NTRK1: variants seen among roughly 807,000 people sequenced by gnomAD.
NTRK1 encodes the protein neurotrophic receptor tyrosine kinase 1.
Under a neutral mutation model 86.8 loss-of-function variants are expected in NTRK1, and 62 were observed. The observed-to-expected ratio is 0.71, with a 90% confidence interval of 0.58 to 0.88. The LOEUF (loss-of-function observed/expected upper bound fraction) is 0.88, where lower values mean the gene tolerates loss of function less well. NTRK1 is among the 40% of genes least tolerant of loss of function. The pLI is 0.00. For missense variants in NTRK1, 967 were observed against 1,078.4 expected, an observed-to-expected ratio of 0.90 and a Z score of 1.45; for synonymous variants, 469 against 456.6, an observed-to-expected ratio of 1.03 and a Z score of -0.35.
At chr1:156,867,063 C>T (rs780377875) in intron 4 of NTRK1, 85 bp downstream of exon 4, 47 of 1,372,622 alleles carry the variant, frequency 3.4e-5, no homozygotes, top group Non-Finnish European at 4.9e-5. Flanking sequence ...CATTGGGTCA[C>T]TGTGTCTGTG....
chr1:156,843,904 G>A (rs1320451750), intron 2 of NTRK1, among the ~76,000 whole-genome samples: 1 of 152,254 alleles, frequency 6.6e-6, no homozygotes, highest in Non-Finnish European at 1.5e-5. Context: ...TGGTGTGAGA[G>A]TGTGGTGACC....
At chr1:156,846,015 GGTA>G in intron 2 of NTRK1, 1 of 1,614,138 alleles carries the variant, frequency 6.2e-7, no homozygotes, top group Non-Finnish European at 8.5e-7. Context: ...CACAGCACCA[GGTA>G]GTAGGTGAGG....
intron 1 of NTRK1, among the ~76,000 whole-genome samples, chr1:156,828,639 GGAA>G (rs773702930): frequency 3.3e-5 from 5 of 152,242 alleles, no homozygotes; most frequent in Non-Finnish European, 4.4e-5. Flanking sequence ...AGGATGATGA[GGAA>G]GAAGGAGCTG....
chr1:156,862,501 G>T (rs942068888), intron 1 of NTRK1, among the ~76,000 whole-genome samples: 1 of 152,136 alleles, frequency 6.6e-6, no homozygotes, highest in African/African-American at 2.4e-5. Flanking sequence ...GGAGTGGTAG[G>T]GGGAGTGGAC....
At chr1:156,863,798 AG>A (rs1394081551) in intron 1 of NTRK1, among the ~76,000 whole-genome samples, 5 of 152,188 alleles carry the variant, frequency 3.3e-5, no homozygotes, top group African/African-American at 1.2e-4. Flanking sequence ...GGGCAGTGGC[AG>A]GGATAAGCCT....
Position 156,844,427 on chromosome 1 carries a change from C to T in NTRK1, c.50+2234C>T, listed in dbSNP as rs138044856. On this transcript the variant is annotated intron_variant, in intron 2 of 16. Transcript: ENST00000392302. ...GGGCTGGGGACCAGGTAGGGCTGTT[C>T]GGTGATACAGGTCTGTGACAGAGGC... 2,200 of 1,601,356 alleles carry T rather than the reference C, an allele frequency of 1.4e-3. 23 individuals carry two copies. In the African/African-American group the frequency reaches 0.026, roughly 19 times the overall value.
chr1:156,845,436 T>C (rs972795909), intron 2 of NTRK1: 2 of 1,534,114 alleles, frequency 1.3e-6, no homozygotes, highest in African/African-American at 2.8e-5. Context: ...GGAGTAGCCC[T>C]ATCAGGCCTG....
At chr1:156,873,251 T>C (rs1647673585) in intron 7 of NTRK1, among the ~76,000 whole-genome samples, 1 of 152,076 alleles carries the variant, frequency 6.6e-6, no homozygotes, top group South Asian at 2.1e-4. Flanking sequence ...TTGGCTGGTT[T>C]GATTGTTAGG....
intron 1 of NTRK1, chr1:156,841,906 C>T: frequency 6.3e-7 from 1 of 1,584,742 alleles, no homozygotes; most frequent in Non-Finnish European, 8.7e-7. Flanking sequence ...CACCAAGAAC[C>T]CTGGAAAGTA....
At chr1:156,831,115 G>C (rs975138794) in intron 1 of NTRK1, among the ~76,000 whole-genome samples, 1 of 152,210 alleles carries the variant, frequency 6.6e-6, no homozygotes, top group Non-Finnish European at 1.5e-5. Flanking sequence ...TAGAGAGGAG[G>C]GGAGGAAACT....
Position 156,868,611 on chromosome 1 carries a change from G to T in NTRK1, c.681G>T (p.Trp227Cys), listed in dbSNP as rs2102894626. ...GGCGGGGCCTGGAGCAGGCCGGCTG[G>T]ATCCTCACAGAGCTGGAGCAGTCAG... is the stretch of plus-strand genomic sequence containing the variant. ...VEGRGLEQAG[W>C]ILTELEQSAT... The change falls in exon 6 of 17, where the codon TGG becomes TGT. Residue 227 changes from tryptophan (W) to cysteine (C), a missense_variant. Coordinates refer to ENST00000524377, the MANE Select transcript of NTRK1 (RefSeq NM_002529.4). The T allele has an allele frequency of 6.4e-7, 1 of 1,551,074 alleles. No individual in the cohort carries two copies. The highest frequency in any genetic ancestry group is 8.7e-7 in the Non-Finnish European group (1 of 1,147,044).
At chr1:156,819,989 C>T (rs7531222) in intron 1 of NTRK1, among the ~76,000 whole-genome samples, 85,228 of 151,958 alleles carry the variant, frequency 0.56, 26,093 homozygotes, top group East Asian at 0.82. Flanking sequence ...AGTTCCCCAT[C>T]TATTTATTTT....
At position 156,875,502 on chromosome 1, in the gene NTRK1, G is replaced by T. The variant is rs1647846525; in HGVS notation, c.1355-18G>T. 3 of 1,613,446 alleles carry T rather than the reference G, an allele frequency of 1.9e-6. No homozygotes were observed. Among genetic ancestry groups the T allele is most frequent in the South Asian group, 2.2e-5 (2 of 91,082 alleles). ...AGGTGTGGGCAAACCCCTCCATGCG[G>T]CTGTGTCTCCTCTCTAGGCCCGGCT... On this transcript the variant is annotated intron_variant, in intron 11 of 16. Coordinates refer to ENST00000524377, the MANE Select transcript of NTRK1 (RefSeq NM_002529.4).
chr1:156,868,680 G>T, intron 6 of NTRK1, 33 bp downstream of exon 6: 2 of 1,548,854 alleles, frequency 1.3e-6, no homozygotes, highest in Non-Finnish European at 8.7e-7. Context: ...CCCCCAAGAG[G>T]TCCAGGCAGA....
upstream of NTRK1, chr1:156,858,664 G>A: frequency 6.5e-7 from 1 of 1,548,236 alleles, no homozygotes; most frequent in Non-Finnish European, 8.9e-7. Context: ...TCTCCTCCCG[G>A]TGACTCTGGG....
In NTRK1 at chr1:156,839,429, C is replaced by T. The variant is rs1473383691; in HGVS notation, c.-63-2652C>T. 3.3e-5 allele frequency among the ~76,000 whole-genome samples: 5 copies of T among 152,264 alleles called. No individual in the cohort carries two copies. In the East Asian group the frequency reaches 5.8e-4, roughly 18 times the overall value. On this transcript the variant is annotated intron_variant, in intron 1 of 16. Coordinates refer to the NTRK1 transcript ENST00000392302. ...CACCCCCTTCGTCAAGGTTTGAAGT[C>T]ATTCTTTTGCAACCCTTCCCTTTCA...
chr1:156,871,602 C>T (rs2102899864), intron 6 of NTRK1, 21 bp from the exon 7 acceptor site: 1 of 1,613,994 alleles, frequency 6.2e-7, no homozygotes, highest in Non-Finnish European at 8.5e-7. Context: ...TTCTTATTCC[C>T]CCCTCTCTTT....
At chr1:156,858,496 G>A (rs763274955), upstream of NTRK1, 6 of 1,533,736 alleles carry the variant, frequency 3.9e-6, no homozygotes, top group South Asian at 5.6e-5. Flanking sequence ...CAGCTGGCTG[G>A]GAGGGAGGTA....
chr1:156,877,872 C>T (rs1360766754), intron 14 of NTRK1, among the ~76,000 whole-genome samples: 1 of 152,144 alleles, frequency 6.6e-6, no homozygotes, highest in Non-Finnish European at 1.5e-5. Flanking sequence ...CAGGAGGGAG[C>T]CCATGCAGGG....
Sources: allele counts gnomAD v4.1 joint callset (sites outside exome capture counted in the v4.1 genomes callset), GRCh38; gene constraint gnomAD v4.1.1; transcripts MANE v1.5; gene names NCBI Gene and HGNC (gene_info 2026-07-23, HGNC 2026-07-21).